Variants in FCHO2 observed in about 807,000 individuals in gnomAD.
FCHO2 encodes the protein F-BAR domain only protein 2.
Under a neutral mutation model 114.1 loss-of-function variants are expected in FCHO2, and 43 were observed. The ratio of observed to expected loss-of-function variants is 0.38; its 90% CI spans 0.30 to 0.49. FCHO2 has a LOEUF of 0.49. Among genes scored for constraint, FCHO2 ranks in the 20% least tolerant of loss-of-function variants. The pLI is 0.97. For synonymous variants in FCHO2, 293 were observed against 315.2 expected, an observed-to-expected ratio of 0.93 and a Z score of 0.75; for missense variants, 807 against 950.4, an observed-to-expected ratio of 0.85 and a Z score of 1.98.
intron 11 of FCHO2, chr5:73,051,076 A>C: frequency 5.9e-6 from 2 of 341,078 alleles, no homozygotes; most frequent in South Asian, 7.5e-5. Flanking sequence ...ATTGGTCCCC[A>C]CCTCAGTGAT....
chr5:73,043,045 C>T (rs1366129143), intron 11 of FCHO2, among the ~76,000 whole-genome samples: 1 of 152,152 alleles, frequency 6.6e-6, no homozygotes, highest in African/African-American at 2.4e-5. Context: ...CATCTTGCCT[C>T]AGCCTCCCAT....
intron 22 of FCHO2, among the ~76,000 whole-genome samples, chr5:73,078,531 A>G (rs1365186402): frequency 6.6e-6 from 1 of 152,224 alleles, no homozygotes; most frequent in East Asian, 1.9e-4. Flanking sequence ...ATTTAAATGC[A>G]TAAATTTGTC....
intron 11 of FCHO2, among the ~76,000 whole-genome samples, chr5:73,044,495 G>A (rs779892977): frequency 2.0e-5 from 3 of 151,802 alleles, no homozygotes; most frequent in East Asian, 1.9e-4. Context: ...AATAACTTAC[G>A]GCCTATTCAT....
intron 11 of FCHO2, among the ~76,000 whole-genome samples, chr5:73,047,715 T>G (rs1245286893): frequency 6.6e-6 from 1 of 152,196 alleles, no homozygotes; most frequent in Non-Finnish European, 1.5e-5. Flanking sequence ...CACATATCCT[T>G]TAAGTCATAC....
intron 5 of FCHO2, among the ~76,000 whole-genome samples, chr5:72,992,252 A>G (rs1042646328): frequency 7.2e-5 from 11 of 152,230 alleles, no homozygotes; most frequent in Admixed American, 2.6e-4. Flanking sequence ...TTGTGTTTGT[A>G]TAATAAATAA....
intron 2 of FCHO2, among the ~76,000 whole-genome samples, chr5:72,985,281 C>T (rs1208012968): frequency 1.3e-5 from 2 of 152,072 alleles, no homozygotes; most frequent in Non-Finnish European, 2.9e-5. Flanking sequence ...CTTCCTCTGC[C>T]TCCCCGAGTA....
intron 2 of FCHO2, among the ~76,000 whole-genome samples, chr5:72,972,425 TA>T (rs1259329912): frequency 1.3e-5 from 2 of 152,294 alleles, no homozygotes; most frequent in Middle Eastern, 6.8e-3. Flanking sequence ...CCATCCCTTG[TA>T]AGTTGGATTC....
At chr5:72,995,530 G>T (rs534501741) in intron 5 of FCHO2, among the ~76,000 whole-genome samples, 38 of 152,206 alleles carry the variant, frequency 2.5e-4, no homozygotes, top group Middle Eastern at 6.8e-3. Context: ...TGCTGGGTGT[G>T]AGCCACCATG....
intron 17 of FCHO2, among the ~76,000 whole-genome samples, chr5:73,063,371 G>A (rs966300978): frequency 6.7e-6 from 1 of 149,780 alleles, no homozygotes; most frequent in Admixed American, 6.7e-5. Flanking sequence ...ATGTTACAAT[G>A]TGGTTCAACT....
intron 2 of FCHO2, among the ~76,000 whole-genome samples, chr5:72,968,993 T>C (rs1319732723): frequency 6.6e-6 from 1 of 152,190 alleles, no homozygotes; most frequent in Non-Finnish European, 1.5e-5. Context: ...TTTTTAAAAG[T>C]CCTAAGTATA....
At chr5:73,034,278 A>G (rs946710769) in intron 8 of FCHO2, among the ~76,000 whole-genome samples, 1 of 152,202 alleles carries the variant, frequency 6.6e-6, no homozygotes, top group African/African-American at 2.4e-5. Context: ...TGTTCTTCCC[A>G]TGAACACCAC....
intron 1 of FCHO2, among the ~76,000 whole-genome samples, chr5:72,963,250 C>T (rs1751974248): frequency 6.6e-6 from 1 of 152,154 alleles, no homozygotes; most frequent in African/African-American, 2.4e-5. Flanking sequence ...GGTGGTGGAG[C>T]CTTAAAACCA....
intron 1 of FCHO2, among the ~76,000 whole-genome samples, chr5:72,967,853 C>A (rs1361247591): frequency 3.3e-5 from 5 of 151,594 alleles, no homozygotes. Context: ...CTCCTGACCT[C>A]AAGTGATCCG....
At chr5:73,026,712 A>G (rs529269414) in intron 8 of FCHO2, among the ~76,000 whole-genome samples, 1 of 151,730 alleles carries the variant, frequency 6.6e-6, no homozygotes. Context: ...TTTTTTTGAG[A>G]CAGAGTCTCA....
chr5:73,052,041 A>G (rs1757362589), intron 12 of FCHO2, among the ~76,000 whole-genome samples: 1 of 151,986 alleles, frequency 6.6e-6, no homozygotes, highest in African/African-American at 2.4e-5. Flanking sequence ...CTCATGCCTC[A>G]GCCTCCCGAT....
chr5:73,046,225 C>G (rs577075309), intron 11 of FCHO2, among the ~76,000 whole-genome samples: 2 of 152,100 alleles, frequency 1.3e-5, no homozygotes, highest in Non-Finnish European at 1.5e-5. Flanking sequence ...GCCACCATAC[C>G]CAGCTAATTT....
chr5:73,060,265 A>T (rs756920509), intron 17 of FCHO2, among the ~76,000 whole-genome samples: 4 of 151,972 alleles, frequency 2.6e-5, no homozygotes, highest in Non-Finnish European at 5.9e-5. Context: ...TTCAGTATGC[A>T]TTTTTAAATC....
chr5:73,086,883 C>G (rs1442694025), intron 24 of FCHO2, among the ~76,000 whole-genome samples: 1 of 152,194 alleles, frequency 6.6e-6, no homozygotes. Context: ...TGCTCTGTCT[C>G]TGTATCTTTG....
In FCHO2 at chr5:73,064,945, G is replaced by C. The variant is rs149379573; in HGVS notation, c.1449+1001G>C. Among the ~76,000 whole-genome samples, 25 of 151,988 alleles carry C rather than the reference G, an allele frequency of 1.6e-4. No individual in the cohort carries two copies. In the East Asian group the frequency reaches 4.5e-3, roughly 27 times the overall value. On this transcript the variant is annotated intron_variant, in intron 18 of 25. Coordinates refer to ENST00000430046, the MANE Select transcript of FCHO2 (RefSeq NM_138782.3). ...AGATACTTTGCTTATATTTTTGTTA[G>C]TTCATATATCACCTTGTATGTACTT...
Sources: gnomAD v4.1 joint callset for allele counts (sites outside exome capture counted in the v4.1 genomes callset) on GRCh38, gnomAD v4.1.1 for gene constraint, MANE v1.5 for transcripts, NCBI Gene and HGNC (gene_info 2026-07-23, HGNC 2026-07-21) for gene names.